Variants in YTHDF3 observed in about 807,000 individuals in gnomAD.
The protein encoded by YTHDF3 is YTH N6-methyladenosine RNA binding protein F3.
A neutral mutation model predicts 52.5 loss-of-function variants in YTHDF3; 9 were observed. The observed-to-expected ratio is 0.17, with a 90% CI of 0.10 to 0.30. The LOEUF (loss-of-function observed/expected upper bound fraction) is 0.30, where lower values mean the gene tolerates loss of function less well. YTHDF3 is among the 10% of genes least tolerant of loss of function. The probability of loss-of-function intolerance (pLI) is 1.00; values close to 1 mark genes in which losing one functional copy is unlikely to be tolerated. For missense variants in YTHDF3, 534 were observed against 715.0 expected, an observed-to-expected ratio of 0.75 and a Z score of 2.89; for synonymous variants, 274 against 243.3, an observed-to-expected ratio of 1.13 and a Z score of -1.18.
chr8:63,173,637 T>A, intron 2 of YTHDF3: 3 of 985,332 alleles, frequency 3.0e-6, no homozygotes, highest in Non-Finnish European at 3.6e-6. Flanking sequence ...CATGCATACT[T>A]ACCTTTGATT....
chr8:63,191,888 G>A (rs1430896825), intron 4 of YTHDF3, among the ~76,000 whole-genome samples: 2 of 152,088 alleles, frequency 1.3e-5, no homozygotes, highest in African/African-American at 4.8e-5. Flanking sequence ...TGACCATTGT[G>A]TCTATTCCAT....
intron 3 of YTHDF3, among the ~76,000 whole-genome samples, chr8:63,179,263 C>G (rs532044103): frequency 6.6e-6 from 1 of 150,708 alleles, no homozygotes; most frequent in African/African-American, 2.4e-5. Flanking sequence ...GTGTTTCTCG[C>G]AGAGGGGGAT....
chr8:63,169,165 G>C (rs1162863478), intron 1 of YTHDF3: 2 of 1,407,290 alleles, frequency 1.4e-6, no homozygotes, highest in Non-Finnish European at 1.9e-6. Flanking sequence ...GCAGACATGG[G>C]GCGGAGACCG....
At position 63,211,073 on chromosome 8, in the gene YTHDF3, A is replaced by T. The variant is rs1810346120; in HGVS notation, c.*1367A>T. 6.6e-6 allele frequency: 1 copy of T among 152,554 alleles called. No homozygotes were observed. The highest frequency in any genetic ancestry group is 1.5e-5 in the Non-Finnish European group (1 of 67,970). 9.5% of individuals were successfully genotyped at this position (152,554 alleles called of 1,614,324 possible). On this transcript the variant is annotated 3_prime_UTR_variant, in exon 5 of 5. Coordinates refer to ENST00000539294, the MANE Select transcript of YTHDF3 (RefSeq NM_152758.6). ...CTTGATGTTTTGCATTACTTCATTT[A>T]TGTTTACATCATGTTTAGAAATGTT...
intron 3 of YTHDF3, among the ~76,000 whole-genome samples, chr8:63,183,203 T>A (rs1808267087): frequency 6.6e-6 from 1 of 152,156 alleles, no homozygotes; most frequent in Non-Finnish European, 1.5e-5. Flanking sequence ...TCAGGTGATA[T>A]GCCTGCCTTG....
At chr8:63,192,444 A>G (rs1808973659) in intron 4 of YTHDF3, among the ~76,000 whole-genome samples, 1 of 152,084 alleles carries the variant, frequency 6.6e-6, no homozygotes, top group South Asian at 2.1e-4. Flanking sequence ...CAGCCTGTGG[A>G]GATTTAAAAG....
intron 4 of YTHDF3, among the ~76,000 whole-genome samples, chr8:63,195,171 A>C (rs1003702473): frequency 5.9e-5 from 9 of 152,184 alleles, no homozygotes; most frequent in Non-Finnish European, 1.3e-4. Context: ...TGAAGCTTCA[A>C]ATTGTCGGAG....
intron 1 of YTHDF3, 110 bp downstream of exon 1, chr8:63,169,011 G>A (rs1301943115): frequency 6.8e-6 from 10 of 1,477,416 alleles, no homozygotes; most frequent in Non-Finnish European, 8.0e-6. Flanking sequence ...CCATAACGGT[G>A]CCCCGGGCGC....
At position 63,187,173 on chromosome 8, in the gene YTHDF3, A is replaced by G; in HGVS notation, c.1162A>G (p.Ser388Gly). 1 of 1,613,966 alleles carries G rather than the reference A, an allele frequency of 6.2e-7. No individual in the cohort carries two copies. The highest frequency in any genetic ancestry group is 1.1e-5 in the South Asian group (1 of 91,072). The change falls in exon 4 of 5, where the codon AGT becomes GGT. Residue 388 changes from serine to glycine, a missense_variant. Transcript: ENST00000539294. ...GVVPVSASPS[S>G]VEVHPVLEKL... is the part of the protein sequence containing the mutation. ...TGTACCTGTCAGTGCTTCACCTTCTAGTGTAGAAGTGCATCCCGTGCTGGA... is the reference window on the plus strand; with the variant it reads ...TGTACCTGTCAGTGCTTCACCTTCTGGTGTAGAAGTGCATCCCGTGCTGGA...
At position 63,210,035 on chromosome 8, in the gene YTHDF3, TA is replaced by T. The variant is rs200482681; in HGVS notation, c.*332del. ...GGATTCATTAACTCTTTGAATTTGTTAAATACTAACAGTTAACCATTAGAAG... is the reference window on the plus strand; with the variant it reads ...GGATTCATTAACTCTTTGAATTTGTTAATACTAACAGTTAACCATTAGAAG... On this transcript the variant is annotated 3_prime_UTR_variant, in exon 5 of 5. Coordinates refer to ENST00000539294, the MANE Select transcript of YTHDF3 (RefSeq NM_152758.6). The T allele has an allele frequency of 8.7e-3, 1,992 of 228,802 alleles. 11 individuals carry two copies. The highest frequency in any genetic ancestry group is 0.012 in the Non-Finnish European group (1,423 of 117,960). 14.2% of individuals were successfully genotyped at this position (228,802 alleles called of 1,614,324 possible).
At position 63,211,978 on chromosome 8, in the gene YTHDF3, C is replaced by G. The variant is rs879026945; in HGVS notation, c.*2272C>G. On this transcript the variant is annotated 3_prime_UTR_variant, in exon 5 of 5. Coordinates refer to ENST00000539294, the MANE Select transcript of YTHDF3 (RefSeq NM_152758.6). ...CATTATATTGCAAAATATTTTTCCT[C>G]TGAATGAAATTATCACAGGTTGTCT... 2.0e-5 allele frequency: 3 copies of G among 152,564 alleles called. No homozygotes were observed. The highest frequency in any genetic ancestry group is 4.4e-5 in the Non-Finnish European group (3 of 68,014). The allele number at this position is 152,564 out of a possible 1,614,324, so 9.5% of individuals were successfully genotyped here.
At chr8:63,177,988 C>T (rs180854252) in intron 3 of YTHDF3, among the ~76,000 whole-genome samples, 2 of 152,152 alleles carry the variant, frequency 1.3e-5, no homozygotes, top group East Asian at 1.9e-4. Flanking sequence ...GAACTCCTGA[C>T]GTCAAGTGAT....
intron 3 of YTHDF3, among the ~76,000 whole-genome samples, chr8:63,181,178 A>G (rs929818791): frequency 1.3e-5 from 2 of 152,220 alleles, no homozygotes; most frequent in Non-Finnish European, 2.9e-5. Context: ...GTTCTTAGCT[A>G]TCTTTATCAG....
At chr8:63,198,674 C>CT (rs1231483027) in intron 4 of YTHDF3, among the ~76,000 whole-genome samples, 1 of 152,168 alleles carries the variant, frequency 6.6e-6, no homozygotes, top group Non-Finnish European at 1.5e-5. Flanking sequence ...GAGTACTCAA[C>CT]TTTGTGTTAA....
In YTHDF3 at chr8:63,209,789, A is replaced by C. The variant is rs1305082297; in HGVS notation, c.*83A>C. 1.5e-6 allele frequency: 2 copies of C among 1,373,144 alleles called. No homozygotes were observed. The highest frequency in any genetic ancestry group is 2.6e-5 in the Admixed American group (1 of 38,442). 85.1% of individuals were successfully genotyped at this position (1,373,144 alleles called of 1,614,324 possible). ...CTAATAAGTCAAAGAAGACGTATTA[A>C]AGCTCTTTTCTGCTTAAGGTGACAT... On this transcript the variant is annotated 3_prime_UTR_variant, in exon 5 of 5. Transcript: ENST00000539294.
chr8:63,196,914 C>A (rs1265628277), intron 4 of YTHDF3, among the ~76,000 whole-genome samples: 1 of 152,166 alleles, frequency 6.6e-6, no homozygotes, highest in Non-Finnish European at 1.5e-5. Context: ...CAACCCGTAG[C>A]ACCTGGTTAT....
chr8:63,189,388 A>G (rs1035216919), intron 4 of YTHDF3, among the ~76,000 whole-genome samples: 2 of 152,140 alleles, frequency 1.3e-5, no homozygotes, highest in East Asian at 3.9e-4. Flanking sequence ...GCTTTTCTAT[A>G]GGGGATACAT....
chr8:63,194,949 T>A lies in YTHDF3; in HGVS notation c.1734+7204T>A, dbSNP rs184136139. ...TTTTCTTTAAATTCTTGAGCCTGAT[T>A]ATGACAACAAACAAGGACTTTAAAA... On this transcript the variant is annotated intron_variant, in intron 4 of 4. Coordinates refer to ENST00000539294, the MANE Select transcript of YTHDF3 (RefSeq NM_152758.6). Among the ~76,000 whole-genome samples, 1,068 of 152,326 alleles carry A rather than the reference T, an allele frequency of 7.0e-3. 8 individuals carry two copies. Among genetic ancestry groups the A allele is most frequent in the South Asian group, 0.036 (175 of 4,828 alleles).
At chr8:63,200,744 A>C (rs570846282) in intron 4 of YTHDF3, among the ~76,000 whole-genome samples, 1 of 152,300 alleles carries the variant, frequency 6.6e-6, no homozygotes, top group African/African-American at 2.4e-5. Context: ...GCCTTATTCA[A>C]TTTAAAACAT....
Sources: gnomAD v4.1 joint callset for allele counts (sites outside exome capture counted in the v4.1 genomes callset) on GRCh38, gnomAD v4.1.1 for gene constraint, MANE v1.5 for transcripts, NCBI Gene and HGNC (gene_info 2026-07-23, HGNC 2026-07-21) for gene names.